RORA: variants seen among roughly 807,000 people sequenced by gnomAD.
RORA encodes the protein nuclear receptor ROR-alpha.
In RORA, 7 loss-of-function variants were observed where a neutral mutation model predicts 69.5. That is an observed-to-expected ratio of 0.10 (90% CI 0.06 to 0.19). The LOEUF is 0.19. RORA is among the 10% of genes least tolerant of loss of function. The pLI is 1.00. For synonymous variants in RORA, 261 were observed against 240.8 expected, an observed-to-expected ratio of 1.08 and a Z score of -0.78; for missense variants, 457 against 663.0, an observed-to-expected ratio of 0.69 and a Z score of 3.41.
intron 2 of RORA, among the ~76,000 whole-genome samples, chr15:60,596,714 G>A (rs1013867508): frequency 6.6e-6 from 1 of 152,100 alleles, no homozygotes; most frequent in Non-Finnish European, 1.5e-5. Flanking sequence ...AGTATAAAGG[G>A]GGACGGGACA....
intron 1 of RORA, among the ~76,000 whole-genome samples, chr15:60,922,128 T>C (rs549740812): frequency 1.6e-4 from 25 of 152,300 alleles, no homozygotes; most frequent in Admixed American, 1.4e-3. Context: ...ATAACTCTTT[T>C]AGAAAACATA....
At chr15:60,766,239 C>T (rs776891171) in intron 1 of RORA, among the ~76,000 whole-genome samples, 8 of 152,096 alleles carry the variant, frequency 5.3e-5, no homozygotes, top group Admixed American at 2.0e-4. Context: ...GCCTGCGAGC[C>T]TGTGTCTGTA....
chr15:61,023,393 A>G (rs948823543), intron 1 of RORA, among the ~76,000 whole-genome samples: 1 of 152,172 alleles, frequency 6.6e-6, no homozygotes, highest in African/African-American at 2.4e-5. Context: ...AAGATGCCAA[A>G]GCAGAAAGTC....
chr15:60,609,224 G>T (rs150709926), intron 2 of RORA, among the ~76,000 whole-genome samples: 1 of 152,208 alleles, frequency 6.6e-6, no homozygotes, highest in East Asian at 1.9e-4. Context: ...TGGCATCTCT[G>T]CTCCACAGAC....
At chr15:61,163,136 C>T (rs147352478) in intron 1 of RORA, among the ~76,000 whole-genome samples, 117 of 152,302 alleles carry the variant, frequency 7.7e-4, no homozygotes, top group African/African-American at 2.7e-3. Context: ...ATTCTACTTG[C>T]TGTTTTCCAG....
chr15:60,883,469 T>C (rs1004849550), intron 1 of RORA, among the ~76,000 whole-genome samples: 3 of 152,220 alleles, frequency 2.0e-5, no homozygotes, highest in African/African-American at 7.2e-5. Context: ...TTAAAGATCA[T>C]GTTTTCCATT....
At chr15:60,878,247 G>A (rs192480118) in intron 1 of RORA, among the ~76,000 whole-genome samples, 1,942 of 148,756 alleles carry the variant, frequency 0.013, 25 homozygotes, top group Non-Finnish European at 0.019. Flanking sequence ...AGGAGGCTGA[G>A]GCAAGAGAAT....
chr15:60,944,687 T>C (rs537505116), intron 1 of RORA, among the ~76,000 whole-genome samples: 2 of 129,656 alleles, frequency 1.5e-5, no homozygotes, highest in South Asian at 2.5e-4. Flanking sequence ...ATCATACCAC[T>C]GTACTCCAAA....
At chr15:61,026,133 G>C (rs183100697) in intron 1 of RORA, among the ~76,000 whole-genome samples, 1 of 152,224 alleles carries the variant, frequency 6.6e-6, no homozygotes, top group East Asian at 1.9e-4. Context: ...ATCAGTCTTC[G>C]TGAGCTACCA....
chr15:61,163,513 T>C (rs549512411), intron 1 of RORA, among the ~76,000 whole-genome samples: 6 of 152,264 alleles, frequency 3.9e-5, no homozygotes, highest in Middle Eastern at 6.8e-3. Flanking sequence ...AGCCAACACA[T>C]AGACCTGAGT....
chr15:60,578,853 T>G (rs980099816), intron 2 of RORA, among the ~76,000 whole-genome samples: 5 of 150,096 alleles, frequency 3.3e-5, no homozygotes, highest in African/African-American at 1.2e-4. Context: ...AAGCTCCACC[T>G]CCCAGGTTCA....
At chr15:60,979,322 T>C (rs1357406702) in intron 1 of RORA, among the ~76,000 whole-genome samples, 1 of 141,940 alleles carries the variant, frequency 7.0e-6, no homozygotes, top group East Asian at 2.1e-4. Flanking sequence ...CAATGTCCCT[T>C]TCATTTTCAT....
intron 1 of RORA, among the ~76,000 whole-genome samples, chr15:61,162,042 G>C (rs1410056775): frequency 6.6e-6 from 1 of 152,056 alleles, no homozygotes; most frequent in Non-Finnish European, 1.5e-5. Flanking sequence ...CGTTAAAAGT[G>C]GTCCTAAAAG....
intron 1 of RORA, among the ~76,000 whole-genome samples, chr15:61,107,509 TG>T (rs2078962634): frequency 6.6e-6 from 1 of 152,130 alleles, no homozygotes. Flanking sequence ...CAAAATAGAT[TG>T]GAACAGGGGT....
At chr15:61,196,822 C>A (rs1026651710) in intron 1 of RORA, among the ~76,000 whole-genome samples, 1 of 152,174 alleles carries the variant, frequency 6.6e-6, no homozygotes, top group African/African-American at 2.4e-5. Context: ...TCCAGTCACC[C>A]GTGCAGCGCA....
At chr15:60,662,392 C>A (rs2070316756) in intron 2 of RORA, among the ~76,000 whole-genome samples, 2 of 152,166 alleles carry the variant, frequency 1.3e-5, no homozygotes, top group Non-Finnish European at 2.9e-5. Context: ...CTGTCAAAAT[C>A]TAAAAAGTAA....
intron 1 of RORA, among the ~76,000 whole-genome samples, chr15:60,774,095 A>G (rs116559646): frequency 1.2e-3 from 182 of 152,322 alleles, no homozygotes; most frequent in Middle Eastern, 6.8e-3. Context: ...TGACAACAGT[A>G]CGTGCCTTTG....
In RORA at chr15:60,639,219, AT is replaced by A. The variant is rs71122868; in HGVS notation, c.196+39437del. On this transcript the variant is annotated intron_variant, in intron 2 of 10. Transcript: ENST00000335670. ...CTTTAAACCATAAGCAGGTTTTTGTATTTTTTTTTTTTTTTTTTTTGCATGC... is the reference window on the plus strand; with the variant it reads ...CTTTAAACCATAAGCAGGTTTTTGTATTTTTTTTTTTTTTTTTTTGCATGC... Among the ~76,000 whole-genome samples the A allele has an allele frequency of 3.1e-3, 408 of 131,324 alleles. 1 individual carries two copies. Among genetic ancestry groups the A allele is most frequent in the Non-Finnish European group, 3.8e-3 (238 of 62,650 alleles). The allele number at this position is 131,324 out of a possible 152,430, so 86.2% of individuals were successfully genotyped here. A position where few individuals can be genotyped will look rare whatever the true frequency, so the allele number is the denominator to read the frequency against.
At chr15:61,089,600 G>A (rs184952290) in intron 1 of RORA, among the ~76,000 whole-genome samples, 1 of 152,284 alleles carries the variant, frequency 6.6e-6, no homozygotes, top group Non-Finnish European at 1.5e-5. Context: ...TCTCTAGACA[G>A]AAGATCCTGA....
Sources: allele counts gnomAD v4.1 joint callset (sites outside exome capture counted in the v4.1 genomes callset), GRCh38; gene constraint gnomAD v4.1.1; transcripts MANE v1.5; gene names NCBI Gene and HGNC (gene_info 2026-07-23, HGNC 2026-07-21).